Variants in EDA observed in about 807,000 individuals in gnomAD.
EDA encodes ectodysplasin-A.
EDA carries 2 observed loss-of-function variants against 23.6 expected under a neutral mutation model. The observed-to-expected ratio is 0.08, with a 90% CI of 0.03 to 0.27. The LOEUF (loss-of-function observed/expected upper bound fraction) is 0.27, where lower values mean the gene tolerates loss of function less well. Ranked by LOEUF, EDA falls within the 10% of genes least tolerant of loss-of-function variation. The probability of loss-of-function intolerance (pLI) is 1.00; values close to 1 mark genes in which losing one functional copy is unlikely to be tolerated. For synonymous variants in EDA, 131 were observed against 132.0 expected (o/e 0.99, Z 0.05); for missense variants, 229 against 324.2 (o/e 0.71, Z 2.26).
chrX:69,989,936 C>CT (rs760347264), intron 2 of EDA, among the ~76,000 whole-genome samples: 14,673 of 70,422 alleles, frequency 0.21, 1,580 homozygotes, highest in Middle Eastern at 0.35. Context: ...GTTAGGCTTT[C>CT]TTTTTTTTTT....
intron 1 of EDA, among the ~76,000 whole-genome samples, chrX:69,731,112 G>A (rs1372325519): frequency 9.0e-6 from 1 of 111,688 alleles, no homozygotes; most frequent in Non-Finnish European, 1.9e-5. Context: ...CAAAGAATTG[G>A]ACTGTTTTAT....
intron 1 of EDA, among the ~76,000 whole-genome samples, chrX:69,639,647 A>G (rs1411719904): frequency 9.0e-6 from 1 of 111,684 alleles, no homozygotes; most frequent in Middle Eastern, 4.2e-3. Context: ...TTTTTTAAAT[A>G]TATTCTAGAT....
intron 1 of EDA, among the ~76,000 whole-genome samples, chrX:69,710,562 A>C (rs1287626353): frequency 7.2e-5 from 8 of 111,607 alleles, no homozygotes; most frequent in African/African-American, 2.0e-4. Context: ...ATGGCATTGA[A>C]TCCATAAATT....
rs754360005 is a variant in EDA, at chrX:69,623,668, C to CT, written c.396+6977dup. ...TCATTCTAGGTATTTTCTTTTTTTT[C>CT]TTTTTTTTTTTTTGAGACAGTTGCA... On this transcript the variant is annotated intron_variant, in intron 1 of 7. Coordinates refer to ENST00000374552, the MANE Select transcript of EDA (RefSeq NM_001399.5). 9.3e-3 allele frequency among the ~76,000 whole-genome samples: 896 copies of CT among 96,613 alleles called. 9 individuals are homozygous for CT. Among genetic ancestry groups the CT allele is most frequent in the African/African-American group, 0.023 (620 of 27,067 alleles). The allele number at this position is 96,613 out of a possible 115,157, so 83.9% of individuals were successfully genotyped here.
At chrX:69,956,497 A>G (rs757249859) in intron 1 of EDA, among the ~76,000 whole-genome samples, 1 of 107,472 alleles carries the variant, frequency 9.3e-6, no homozygotes, top group East Asian at 2.9e-4. Context: ...ACCCCCCACC[A>G]CCACACCCGG....
intron 1 of EDA, among the ~76,000 whole-genome samples, chrX:69,742,292 C>T (rs1450233579): frequency 5.4e-5 from 6 of 110,977 alleles, no homozygotes; most frequent in African/African-American, 2.0e-4. Flanking sequence ...CCTACCCTAC[C>T]CCGTGTGACA....
intron 1 of EDA, among the ~76,000 whole-genome samples, chrX:69,856,254 G>GGTGT (rs202079519): frequency 0.12 from 9,304 of 74,765 alleles, 637 homozygotes; most frequent in African/African-American, 0.2. Flanking sequence ...AGTATTCCAT[G>GGTGT]GTGTGTGTGT....
chrX:69,679,771 G>C (rs1209041422), intron 1 of EDA, among the ~76,000 whole-genome samples: 1 of 110,970 alleles, frequency 9.0e-6, no homozygotes, highest in Non-Finnish European at 1.9e-5. Context: ...CAAAAACCCA[G>C]CTCCTGGATT....
intron 2 of EDA, 198 bp downstream of exon 2, chrX:69,957,330 A>G: frequency 2.5e-6 from 1 of 393,768 alleles, no homozygotes; most frequent in Non-Finnish European, 4.5e-6. Context: ...TGTCTCTACT[A>G]AAAATACAAA....
intron 1 of EDA, among the ~76,000 whole-genome samples, chrX:69,753,586 A>C (rs1457138353): frequency 2.7e-5 from 3 of 111,929 alleles, no homozygotes; most frequent in African/African-American, 9.8e-5. Context: ...ATATATGTCT[A>C]TTAGGTCTGC....
intron 2 of EDA, among the ~76,000 whole-genome samples, chrX:69,969,983 G>A (rs983391572): frequency 9.0e-5 from 10 of 111,041 alleles, no homozygotes; most frequent in South Asian, 7.7e-4. Context: ...GTACACATGT[G>A]TAGTCCCAGC....
chrX:69,849,110 C>T (rs1019335717), intron 1 of EDA, among the ~76,000 whole-genome samples: 6 of 106,557 alleles, frequency 5.6e-5, no homozygotes. Context: ...CACACACACA[C>T]ACACACACAC....
At chrX:69,742,866 T>C (rs1454535596) in intron 1 of EDA, 1 of 111,609 alleles carries the variant, frequency 9.0e-6, no homozygotes, top group African/African-American at 3.3e-5. Context: ...TGTTGTGTAA[T>C]ATCTGAAATA....
intron 1 of EDA, among the ~76,000 whole-genome samples, chrX:69,786,545 T>C (rs2015185134): frequency 1.8e-5 from 2 of 110,806 alleles, no homozygotes; most frequent in Admixed American, 1.9e-4. Flanking sequence ...CATTTCGTTA[T>C]GTACCCAGTA....
chrX:69,888,978 T>TAGATAGA (rs1556026049), intron 1 of EDA, among the ~76,000 whole-genome samples: 2 of 16,011 alleles, frequency 1.2e-4, no homozygotes, highest in Non-Finnish European at 2.1e-4. Context: ...TGTGGGGTAG[T>TAGATAGA]TATATATATA....
chrX:69,902,017 A>T, intron 1 of EDA, among the ~76,000 whole-genome samples: 1 of 112,354 alleles, frequency 8.9e-6, no homozygotes, highest in Admixed American at 9.4e-5. Context: ...ATGATATCAC[A>T]TATGATCTTT....
chrX:69,690,119 G>C (rs1055241237), intron 1 of EDA, among the ~76,000 whole-genome samples: 2 of 111,013 alleles, frequency 1.8e-5, no homozygotes, highest in African/African-American at 6.6e-5. Flanking sequence ...TCTGCAAACA[G>C]AGAGAGTTTT....
intron 1 of EDA, among the ~76,000 whole-genome samples, chrX:69,679,689 C>A (rs1355132629): frequency 1.8e-5 from 2 of 111,015 alleles, no homozygotes; most frequent in African/African-American, 3.3e-5. Context: ...TTTTTTATTG[C>A]GTCTATTTGA....
At chrX:70,033,259 C>A in intron 6 of EDA, 139 bp from the exon 7 acceptor site, 1 of 796,293 alleles carries the variant, frequency 1.3e-6, no homozygotes, top group Non-Finnish European at 1.9e-6. Flanking sequence ...CTTTCAAATG[C>A]TCTTCTTAAA....
Sources: allele counts gnomAD v4.1 joint callset (sites outside exome capture counted in the v4.1 genomes callset), GRCh38; gene constraint gnomAD v4.1.1; transcripts MANE v1.5; gene names NCBI Gene and HGNC (gene_info 2026-07-23, HGNC 2026-07-21).